PALLD: variants seen among roughly 807,000 people sequenced by gnomAD.
PALLD encodes palladin, cytoskeletal associated protein.
A neutral mutation model predicts 123.5 loss-of-function variants in PALLD; 61 were observed. The ratio of observed to expected loss-of-function variants is 0.49; its 90% CI spans 0.40 to 0.61. The LOEUF is 0.61. PALLD is among the 20% of genes least tolerant of loss of function. PALLD has a pLI of 0.00. For synonymous variants in PALLD, 465 were observed against 496.4 expected (o/e 0.94, Z 0.84); for missense variants, 1,273 against 1,377.0 (o/e 0.92, Z 1.20).
intron 2 of PALLD, among the ~76,000 whole-genome samples, chr4:168,622,506 C>T (rs1443764381): frequency 6.6e-6 from 1 of 152,168 alleles, no homozygotes; most frequent in Non-Finnish European, 1.5e-5. Flanking sequence ...TGAAAGATTT[C>T]CATGTATTTC....
intron 10 of PALLD, among the ~76,000 whole-genome samples, chr4:168,870,996 T>C (rs986540328): frequency 8.5e-5 from 13 of 152,170 alleles, no homozygotes; most frequent in Admixed American, 1.3e-4. Flanking sequence ...GGCTTCCCTG[T>C]GAGTAAAGAG....
Position 168,672,157 on chromosome 4 carries a change from G to A in PALLD, c.1087+3789G>A, listed in dbSNP as rs141819953. On this transcript the variant is annotated intron_variant, in intron 3 of 21. Coordinates refer to ENST00000505667, the MANE Select transcript of PALLD (RefSeq NM_001166108.2). ...ATTGTACACATTCGTGGGGTATGTG[G>A]TTATGCTTTGATACATATTACGTAT... Among the ~76,000 whole-genome samples the A allele has an allele frequency of 4.2e-3, 646 of 152,178 alleles. 7 individuals are homozygous for A. Among genetic ancestry groups the A allele is most frequent in the African/African-American group, 0.015 (621 of 41,536 alleles).
chr4:168,851,335 G>C (rs751320494), intron 10 of PALLD, among the ~76,000 whole-genome samples: 5 of 150,344 alleles, frequency 3.3e-5, no homozygotes, highest in African/African-American at 1.3e-4. Flanking sequence ...CCAGTCTCTC[G>C]TAGATTTTTT....
intron 2 of PALLD, among the ~76,000 whole-genome samples, chr4:168,588,055 G>T (rs149642620): frequency 2.0e-5 from 3 of 152,052 alleles, no homozygotes; most frequent in Non-Finnish European, 4.4e-5. Context: ...GCTAACTGGC[G>T]CTCTTGGATC....
intron 10 of PALLD, among the ~76,000 whole-genome samples, chr4:168,803,797 G>T (rs1302284392): frequency 6.6e-6 from 1 of 152,222 alleles, no homozygotes. Context: ...AGGGCCCCAT[G>T]TTGTTAGAGA....
Position 168,915,876 on chromosome 4 carries a change from T to C in PALLD, c.2718-19T>C. The C allele has an allele frequency of 6.2e-7, 1 of 1,603,670 alleles. No individual in the cohort carries two copies. On this transcript the variant is annotated intron_variant, in intron 16 of 21. Coordinates refer to ENST00000505667, the MANE Select transcript of PALLD (RefSeq NM_001166108.2). ...TACTATCTATATTTCTATCTATCTG[T>C]CATCTTTCTTGTTTCAAGGCCTCGT...
intron 6 of PALLD, 40 bp downstream of exon 6, chr4:168,685,599 G>A: frequency 7.3e-7 from 1 of 1,368,566 alleles, no homozygotes; most frequent in Non-Finnish European, 1.0e-6. Context: ...GTTTGCTTTG[G>A]TCCTTAAATT....
At chr4:168,768,708 C>G (rs1734010361) in intron 10 of PALLD, among the ~76,000 whole-genome samples, 1 of 152,222 alleles carries the variant, frequency 6.6e-6, no homozygotes, top group South Asian at 2.1e-4. Context: ...GAGTCTTGCT[C>G]TGTCACCAGG....
chr4:168,510,887 T>G (rs1020685121), intron 1 of PALLD, among the ~76,000 whole-genome samples: 1 of 152,234 alleles, frequency 6.6e-6, no homozygotes, highest in Non-Finnish European at 1.5e-5. Flanking sequence ...ACAGCTGTAC[T>G]TCCAGCACCT....
At chr4:168,593,440 A>AAAAAAG (rs1554047280) in intron 2 of PALLD, among the ~76,000 whole-genome samples, 5 of 140,928 alleles carry the variant, frequency 3.5e-5, no homozygotes, top group Middle Eastern at 3.7e-3. Context: ...ACCAGGCAAA[A>AAAAAAG]AAAAAAGAAA....
At chr4:168,732,952 A>T (rs1432905680) in intron 10 of PALLD, among the ~76,000 whole-genome samples, 1 of 152,294 alleles carries the variant, frequency 6.6e-6, no homozygotes, top group Non-Finnish European at 1.5e-5. Flanking sequence ...TGCTTACAAA[A>T]AGAAATTTGA....
At chr4:168,744,554 C>G (rs924284006) in intron 10 of PALLD, among the ~76,000 whole-genome samples, 2 of 152,126 alleles carry the variant, frequency 1.3e-5, no homozygotes, top group Non-Finnish European at 1.5e-5. Flanking sequence ...CCAAAGGGAA[C>G]CTCAGGGGTC....
Position 168,793,210 on chromosome 4 carries a change from CAT to C in PALLD, c.1964+81294_1964+81295del, listed in dbSNP as rs1454049929. 7.0e-3 allele frequency among the ~76,000 whole-genome samples: 308 copies of C among 44,144 alleles called. 18 individuals carry two copies. The highest frequency in any genetic ancestry group is 0.052 in the South Asian group (68 of 1,316). The allele number at this position is 44,144 out of a possible 152,430, so 29.0% of individuals were successfully genotyped here. ...ACATATATATGTGTGCATATATATA[CAT>C]ATATATGTGTGCATATATATACATA... On this transcript the variant is annotated intron_variant, in intron 10 of 21. Transcript: ENST00000505667.
chr4:168,543,121 T>A (rs968711495), intron 2 of PALLD, among the ~76,000 whole-genome samples: 1 of 152,134 alleles, frequency 6.6e-6, no homozygotes, highest in African/African-American at 2.4e-5. Context: ...CCTCTGAGCA[T>A]GTCAGCTAGG....
At chr4:168,757,015 A>G (rs1189253537) in intron 10 of PALLD, among the ~76,000 whole-genome samples, 1 of 152,236 alleles carries the variant, frequency 6.6e-6, no homozygotes, top group Non-Finnish European at 1.5e-5. Flanking sequence ...TCCATGCTAC[A>G]GAGTGTCCAA....
chr4:168,896,656 G>C, intron 13 of PALLD, 57 bp downstream of exon 13: 1 of 931,762 alleles, frequency 1.1e-6, no homozygotes, highest in Non-Finnish European at 1.7e-6. Context: ...GTTTTCTTCT[G>C]TTCTTCCTGT....
At chr4:168,746,798 G>A (rs188248409) in intron 10 of PALLD, among the ~76,000 whole-genome samples, 7 of 152,304 alleles carry the variant, frequency 4.6e-5, no homozygotes, top group African/African-American at 1.7e-4. Context: ...TAAAGATCCT[G>A]CTTAGAAGAG....
chr4:168,584,908 T>G (rs927390050), intron 2 of PALLD, among the ~76,000 whole-genome samples: 2 of 152,226 alleles, frequency 1.3e-5, no homozygotes, highest in Non-Finnish European at 2.9e-5. Context: ...AAAGTACCCA[T>G]GCACACACAC....
At chr4:168,570,912 A>C (rs1302813871) in intron 2 of PALLD, among the ~76,000 whole-genome samples, 1 of 152,140 alleles carries the variant, frequency 6.6e-6, no homozygotes, top group African/African-American at 2.4e-5. Context: ...ATTTATTCTC[A>C]AATCACATTT....
Sources: gnomAD v4.1 joint callset for allele counts (sites outside exome capture counted in the v4.1 genomes callset) on GRCh38, gnomAD v4.1.1 for gene constraint, MANE v1.5 for transcripts, NCBI Gene and HGNC (gene_info 2026-07-23, HGNC 2026-07-21) for gene names.